Variants in TSPAN18 observed in about 807,000 individuals in gnomAD.
TSPAN18 encodes tetraspanin-18.
Under a neutral mutation model 27.3 loss-of-function variants are expected in TSPAN18, and 14 were observed. The ratio of observed to expected loss-of-function variants is 0.51; its 90% CI spans 0.34 to 0.80. TSPAN18 has a LOEUF of 0.80. Ranked by LOEUF, TSPAN18 falls within the 30% of genes least tolerant of loss-of-function variation. The pLI, the probability that TSPAN18 is intolerant of heterozygous loss-of-function variation, is 0.01. For synonymous variants in TSPAN18, 143 were observed against 136.5 expected (o/e 1.05, Z -0.33); for missense variants, 268 against 323.9 (o/e 0.83, Z 1.32).
At chr11:44,860,807 G>A (rs1206213129) in intron 3 of TSPAN18, among the ~76,000 whole-genome samples, 5 of 152,232 alleles carry the variant, frequency 3.3e-5, no homozygotes, top group African/African-American at 7.2e-5. Context: ...CTGTTGCCCA[G>A]GTAAGCAAGA....
chr11:44,752,660 C>T (rs1855239247), intron 1 of TSPAN18, among the ~76,000 whole-genome samples: 1 of 152,122 alleles, frequency 6.6e-6, no homozygotes, highest in African/African-American at 2.4e-5. Context: ...ACAATAAAGC[C>T]ATGATTCTCA....
intron 3 of TSPAN18, among the ~76,000 whole-genome samples, chr11:44,874,749 G>A (rs1309092949): frequency 2.6e-5 from 4 of 152,202 alleles, no homozygotes; most frequent in Non-Finnish European, 5.9e-5. Flanking sequence ...TCCCAGTGGG[G>A]AAGCTGTGAG....
At chr11:44,928,488 A>G (rs940228488) in intron 9 of TSPAN18, among the ~76,000 whole-genome samples, 1 of 152,072 alleles carries the variant, frequency 6.6e-6, no homozygotes, top group Admixed American at 6.6e-5. Flanking sequence ...CCAATAAAGC[A>G]CTTAAAACTG....
chr11:44,844,980 T>A (rs1857450953), intron 2 of TSPAN18, among the ~76,000 whole-genome samples: 1 of 152,144 alleles, frequency 6.6e-6, no homozygotes, highest in African/African-American at 2.4e-5. Context: ...AGGATTGGAA[T>A]GTGGTGTTTG....
chr11:44,751,326 C>G (rs1271784312), intron 1 of TSPAN18, among the ~76,000 whole-genome samples: 1 of 152,124 alleles, frequency 6.6e-6, no homozygotes, highest in Non-Finnish European at 1.5e-5. Flanking sequence ...TCCTTTTCTA[C>G]TTGGGAGACA....
intron 1 of TSPAN18, among the ~76,000 whole-genome samples, chr11:44,759,712 A>G (rs1855407527): frequency 6.6e-6 from 1 of 152,190 alleles, no homozygotes; most frequent in South Asian, 2.1e-4. Flanking sequence ...CATTTCTCCT[A>G]GCAACTGTCT....
chr11:44,796,020 G>T (rs1055159257), intron 2 of TSPAN18, among the ~76,000 whole-genome samples: 7 of 151,990 alleles, frequency 4.6e-5, no homozygotes, highest in Non-Finnish European at 8.8e-5. Context: ...TGTGCCCTCT[G>T]GCCTTCCTGT....
chr11:44,851,411 A>G (rs1322028101), intron 2 of TSPAN18, among the ~76,000 whole-genome samples: 1 of 152,154 alleles, frequency 6.6e-6, no homozygotes, highest in African/African-American at 2.4e-5. Context: ...AGGGGGTTTT[A>G]TACAAATCCG....
At chr11:44,911,588 A>G (rs185446404) in intron 5 of TSPAN18, among the ~76,000 whole-genome samples, 1 of 152,104 alleles carries the variant, frequency 6.6e-6, no homozygotes, top group Non-Finnish European at 1.5e-5. Flanking sequence ...CTTTAAAAGG[A>G]GCTTGGATAT....
chr11:44,833,089 T>A (rs1857188229), intron 2 of TSPAN18, among the ~76,000 whole-genome samples: 1 of 151,412 alleles, frequency 6.6e-6, no homozygotes, highest in South Asian at 2.1e-4. Flanking sequence ...ATAGAAACAC[T>A]GTCTCCTCAC....
At chr11:44,731,014 G>A (rs1223312524) in intron 1 of TSPAN18, among the ~76,000 whole-genome samples, 1 of 152,194 alleles carries the variant, frequency 6.6e-6, no homozygotes, top group African/African-American at 2.4e-5. Flanking sequence ...GGTACTTGTT[G>A]TCTTAAGATT....
upstream of TSPAN18, chr11:44,726,610 C>T (rs986757991): frequency 6.6e-6 from 1 of 151,972 alleles, no homozygotes; most frequent in Non-Finnish European, 1.5e-5. Flanking sequence ...CTGAAAGTTC[C>T]CCTGGAATAA....
chr11:44,811,125 A>AACACACACACACACAC (rs61153202), intron 2 of TSPAN18, among the ~76,000 whole-genome samples: 27 of 142,568 alleles, frequency 1.9e-4, no homozygotes, highest in African/African-American at 5.7e-4. Context: ...CTGGAGTTTT[A>AACACACACACACACAC]ACACACACAC....
At chr11:44,899,295 C>T (rs746445682) in intron 3 of TSPAN18, among the ~76,000 whole-genome samples, 9 of 152,340 alleles carry the variant, frequency 5.9e-5, no homozygotes, top group South Asian at 2.1e-4. Flanking sequence ...TCTGAACAAC[C>T]CAATAAACAA....
intron 3 of TSPAN18, among the ~76,000 whole-genome samples, chr11:44,904,229 T>G (rs1859373331): frequency 6.6e-6 from 1 of 152,204 alleles, no homozygotes; most frequent in Admixed American, 6.5e-5. Context: ...ATGTCCCAGG[T>G]GGGCTCTGAG....
intron 2 of TSPAN18, among the ~76,000 whole-genome samples, chr11:44,776,707 C>T (rs1855817147): frequency 1.3e-5 from 2 of 151,558 alleles, no homozygotes; most frequent in South Asian, 4.1e-4. Flanking sequence ...GTCTGGGCCT[C>T]AGTTCCCCGT....
intron 8 of TSPAN18, among the ~76,000 whole-genome samples, chr11:44,923,055 G>A (rs1316641313): frequency 6.6e-6 from 1 of 152,184 alleles, no homozygotes; most frequent in Non-Finnish European, 1.5e-5. Flanking sequence ...GTTGCGGTGA[G>A]CTGAGGTCAT....
chr11:44,781,673 C>T (rs926392060), intron 2 of TSPAN18, among the ~76,000 whole-genome samples: 2 of 152,202 alleles, frequency 1.3e-5, no homozygotes, highest in African/African-American at 4.8e-5. Flanking sequence ...CACACTTACC[C>T]AGCAACTTTT....
chr11:44,882,703 C>G (rs756689124), intron 3 of TSPAN18, among the ~76,000 whole-genome samples: 2 of 151,674 alleles, frequency 1.3e-5, no homozygotes, highest in Admixed American at 6.6e-5. Flanking sequence ...AGACAAGACT[C>G]TGAGATGGAG....
Sources: allele counts gnomAD v4.1 joint callset (sites outside exome capture counted in the v4.1 genomes callset), GRCh38; gene constraint gnomAD v4.1.1; transcripts MANE v1.5; gene names NCBI Gene and HGNC (gene_info 2026-07-23, HGNC 2026-07-21).